The following MAL variants were observed in gnomAD, a reference collection of about 807,000 sequenced individuals.
MAL encodes myelin and lymphocyte protein.
In MAL, 5 loss-of-function variants were observed where a neutral mutation model predicts 16.7. The ratio of observed to expected loss-of-function variants is 0.30; its 90% CI spans 0.16 to 0.63. MAL has a LOEUF of 0.63. MAL is among the 30% of genes least tolerant of loss of function. The probability of loss-of-function intolerance (pLI) is 0.82; values close to 1 mark genes in which losing one functional copy is unlikely to be tolerated. For missense variants in MAL, 202 were observed against 195.8 expected (o/e 1.03, Z -0.19); for synonymous variants, 96 against 85.5 (o/e 1.12, Z -0.67).
At chr2:95,040,950 G>A (rs1674447882) in intron 1 of MAL, among the ~76,000 whole-genome samples, 1 of 152,170 alleles carries the variant, frequency 6.6e-6, no homozygotes, top group Non-Finnish European at 1.5e-5. Context: ...TCTGATGCTG[G>A]GCTCTGGGGA....
intron 1 of MAL, among the ~76,000 whole-genome samples, chr2:95,041,657 C>T (rs1005139631): frequency 3.3e-5 from 5 of 152,124 alleles, no homozygotes; most frequent in Non-Finnish European, 5.9e-5. Context: ...CAGCTAGTGA[C>T]ACAGCTCACT....
intron 1 of MAL, among the ~76,000 whole-genome samples, chr2:95,031,488 C>A (rs563834185): frequency 1.3e-5 from 2 of 152,238 alleles, no homozygotes; most frequent in African/African-American, 4.8e-5. Flanking sequence ...AGACTTGGAG[C>A]GGACATCTCG....
intron 1 of MAL, among the ~76,000 whole-genome samples, chr2:95,033,124 AG>A (rs1329465884): frequency 6.6e-6 from 1 of 152,116 alleles, no homozygotes; most frequent in Non-Finnish European, 1.5e-5. Context: ...CAGAAAGTGA[AG>A]GTCCCAGAAC....
At chr2:95,041,745 T>C (rs548878653) in intron 1 of MAL, among the ~76,000 whole-genome samples, 1 of 152,166 alleles carries the variant, frequency 6.6e-6, no homozygotes, top group Admixed American at 6.5e-5. Flanking sequence ...CCATGATTAA[T>C]TTGGAAAGAA....
chr2:95,030,453 T>G (rs961538891), intron 1 of MAL, among the ~76,000 whole-genome samples: 56 of 152,332 alleles, frequency 3.7e-4, no homozygotes, highest in African/African-American at 1.2e-3. Context: ...TCTGTCTCCG[T>G]CTCCATTCTA....
chr2:95,039,312 GTGAGTGAGTGAGTGAC>G (rs1333741638), intron 1 of MAL, among the ~76,000 whole-genome samples: 2 of 150,982 alleles, frequency 1.3e-5, no homozygotes, highest in Non-Finnish European at 3.0e-5. Flanking sequence ...GAGTGGGTGA[GTGAGTGAGTGAGTGAC>G]TGAGTGAGTG....
At chr2:95,027,486 A>G (rs902558635) in intron 1 of MAL, among the ~76,000 whole-genome samples, 2 of 152,082 alleles carry the variant, frequency 1.3e-5, no homozygotes, top group Non-Finnish European at 2.9e-5. Context: ...CTCACTTCCC[A>G]GGAGACCCGC....
intron 1 of MAL, among the ~76,000 whole-genome samples, chr2:95,027,235 G>T (rs768375365): frequency 2.0e-5 from 3 of 152,128 alleles, no homozygotes; most frequent in African/African-American, 4.8e-5. Context: ...TAGACGGGGC[G>T]ATCTGATCTG....
Position 95,053,461 on chromosome 2 carries a change from C to T in MAL, c.*6C>T. 1 of 1,609,796 alleles carries T rather than the reference C, an allele frequency of 6.2e-7. No individual in the cohort carries two copies. Among genetic ancestry groups the T allele is most frequent in the South Asian group, 1.1e-5 (1 of 90,992 alleles). On this transcript the variant is annotated 3_prime_UTR_variant, in exon 4 of 4. Coordinates refer to ENST00000309988, the MANE Select transcript of MAL (RefSeq NM_002371.4). ...TCAGATGGAAGTCTTCATAAAGCCG[C>T]AGTAGAACTTGAGCTGAAAACCCAG...
chr2:95,028,218 C>G (rs1487190249), intron 1 of MAL, among the ~76,000 whole-genome samples: 3 of 149,920 alleles, frequency 2.0e-5, no homozygotes, highest in Non-Finnish European at 4.4e-5. Flanking sequence ...AGCTACTCAG[C>G]AGGCTAAGGC....
intron 2 of MAL, 101 bp downstream of exon 2, chr2:95,048,227 C>A: frequency 8.4e-7 from 1 of 1,194,668 alleles, no homozygotes; most frequent in Non-Finnish European, 1.2e-6. Flanking sequence ...TGAGACTTCT[C>A]CGTAGATGTC....
chr2:95,047,149 A>T (rs1254975896), intron 1 of MAL, among the ~76,000 whole-genome samples: 3 of 152,174 alleles, frequency 2.0e-5, no homozygotes, highest in Non-Finnish European at 2.9e-5. Flanking sequence ...GCATAAAGGA[A>T]AGGACATTTT....
Position 95,053,515 on chromosome 2 carries a change from G to A in MAL, c.*60G>A, listed in dbSNP as rs1198666714. On this transcript the variant is annotated 3_prime_UTR_variant, in exon 4 of 4. Coordinates refer to ENST00000309988, the MANE Select transcript of MAL (RefSeq NM_002371.4). ...GTGTTAACTGGCCGCCCCACTTTCCGGCATAACTTTTTAGAAAACAGAAAT... is the reference window on the plus strand; with the variant it reads ...GTGTTAACTGGCCGCCCCACTTTCCAGCATAACTTTTTAGAAAACAGAAAT... The A allele has an allele frequency of 5.8e-5, 77 of 1,334,524 alleles. No homozygotes were observed. Among genetic ancestry groups the A allele is most frequent in the African/African-American group, 1.6e-4 (11 of 68,886 alleles). 82.7% of individuals were successfully genotyped at this position (1,334,524 alleles called of 1,614,324 possible). A position where few individuals can be genotyped will look rare whatever the true frequency, so the allele number is the denominator to read the frequency against.
At chr2:95,036,844 GGTGA>G (rs759723400) in intron 1 of MAL, among the ~76,000 whole-genome samples, 14 of 115,916 alleles carry the variant, frequency 1.2e-4, no homozygotes, top group Non-Finnish European at 1.6e-4. Flanking sequence ...TGACTGAATG[GGTGA>G]GTGAGTGAGT....
At position 95,048,051 on chromosome 2, in the gene MAL, C is replaced by T. The variant is rs368992625; in HGVS notation, c.186C>T (p.Cys62=). Residue 62 remains cysteine, a synonymous_variant, in exon 2 of 4, where the codon TGC becomes TGT. Transcript: ENST00000309988. ...QGWVMFVSVF[C]FVATTTLIIL... ...GGGTGATGTTCGTGTCTGTGTTCTG[C>T]TTCGTGGCCACCACCACCTTGATCA... 1.4e-5 allele frequency: 22 copies of T among 1,613,802 alleles called. No homozygotes were observed. Among genetic ancestry groups the T allele is most frequent in the Non-Finnish European group, 1.8e-5 (21 of 1,179,846 alleles).
intron 1 of MAL, among the ~76,000 whole-genome samples, chr2:95,040,228 T>G (rs1674411004): frequency 6.6e-6 from 1 of 151,590 alleles, no homozygotes; most frequent in Non-Finnish European, 1.5e-5. Flanking sequence ...CATATACACA[T>G]GCATATGCGG....
In MAL at chr2:95,046,896, AAGAG is replaced by A. The variant is rs950577356; in HGVS notation, c.94-1053_94-1050del. ...GAAAGGGAGAGAGAGAGAGAAAAGA[AAGAG>A]AGAGAGAGAAAGAGAGAGAAAGAAA... On this transcript the variant is annotated intron_variant, in intron 1 of 3. Transcript: ENST00000309988. Among the ~76,000 whole-genome samples, 188 of 151,202 alleles carry A rather than the reference AAGAG, an allele frequency of 1.2e-3. 1 individual carries two copies. The highest frequency in any genetic ancestry group is 3.4e-3 in the African/African-American group (140 of 41,182).
intron 1 of MAL, among the ~76,000 whole-genome samples, chr2:95,039,005 T>C (rs1237022568): frequency 2.0e-5 from 3 of 151,568 alleles, no homozygotes; most frequent in Admixed American, 2.0e-4. Flanking sequence ...AGTGAGTGAC[T>C]GAGTGGGTGA....
At chr2:95,048,249 T>C in intron 2 of MAL, 123 bp downstream of exon 2, 1 of 1,077,996 alleles carries the variant, frequency 9.3e-7, no homozygotes, top group Non-Finnish European at 1.3e-6. Context: ...CCCCACCATG[T>C]TCCAAGGCTG....
Sources: gnomAD v4.1 joint callset for allele counts (sites outside exome capture counted in the v4.1 genomes callset) on GRCh38, gnomAD v4.1.1 for gene constraint, MANE v1.5 for transcripts, NCBI Gene and HGNC (gene_info 2026-07-23, HGNC 2026-07-21) for gene names.